Variants in OR5A2 observed in about 807,000 individuals in gnomAD.
The protein encoded by OR5A2 is olfactory receptor family 5 subfamily A member 2.
For synonymous variants in OR5A2, 155 were observed against 151.1 expected (o/e 1.03, Z -0.19); for missense variants, 406 against 398.9 (o/e 1.02, Z -0.15).
rs1247607820 is a variant in OR5A2 at position 59,422,783 on chromosome 11, GT to G, written c.170del (p.His57ProfsTer54). ...TACTGAGGAAGAAGTACATGGGCAT[GT>G]GCAGGTGAGAGTCCATCTTAATGAG... Reference protein sequence around the residue: ...IALIKMDSHLHMPMYFFLSNL... With the variant: ...IALIKMDSHLXMPMYFFLSNL... On this transcript the variant is annotated frameshift_variant, in exon 2 of 2. Coordinates refer to ENST00000302040, the MANE Select transcript of OR5A2 (RefSeq NM_001001954.2). LOFTEE classifies it low-confidence loss of function (END_TRUNC). The G allele has an allele frequency of 6.2e-7, 1 of 1,614,150 alleles. No homozygotes were observed. Among genetic ancestry groups the G allele is most frequent in the Non-Finnish European group, 8.5e-7 (1 of 1,180,010 alleles).
Position 59,422,298 on chromosome 11 carries a change from T to C in OR5A2, c.656A>G (p.Tyr219Cys), listed in dbSNP as rs755432098. The change falls in exon 2 of 2, where the codon TAT becomes TGT. Residue 219 changes from tyrosine to cysteine, a missense_variant. Transcript: ENST00000302040. Reference protein sequence around the residue: ...IVSVLVVLISYGYIVAAVVKI... With the variant: ...IVSVLVVLISCGYIVAAVVKI... ...CACAACAGCAGCAACAATGTAACCA[T>C]AAGAGATGAGGACCACTAGCACAGA... is the stretch of plus-strand genomic sequence containing the variant. The C allele has an allele frequency of 1.4e-5, 22 of 1,613,850 alleles. No individual in the cohort carries two copies. Among genetic ancestry groups the C allele is most frequent in the Non-Finnish European group, 1.8e-5 (21 of 1,179,996 alleles).
chr11:59,422,394 G>A lies in OR5A2; in HGVS notation c.560C>T (p.Ala187Val), dbSNP rs202134259. Residue 187 changes from alanine (A) to valine (V), a missense_variant, in exon 2 of 2, where the codon GCT (alanine) becomes GTT (valine). Ala to Val is a moderately conservative substitution (Grantham distance 64, BLOSUM62 0). Coordinates refer to ENST00000302040, the MANE Select transcript of OR5A2 (RefSeq NM_001001954.2). Reference sequence around the variant, plus strand: ...GGTGAAGGTATCAGAGCAGGACAGAGCCAGGACTGGAGGGAGGTCACAGAA... The same window carrying A: ...GGTGAAGGTATCAGAGCAGGACAGAACCAGGACTGGAGGGAGGTCACAGAA... ...HFFCDLPPVL[A>V]LSCSDTFTSE... The A allele has an allele frequency of 1.1e-5, 18 of 1,614,204 alleles. No homozygotes were observed. The highest frequency in any genetic ancestry group is 1.7e-5 in the Admixed American group (1 of 60,030).
intron 1 of OR5A2, chr11:59,424,657 G>A (rs915463470): frequency 6.6e-6 from 1 of 152,198 alleles, no homozygotes; most frequent in Non-Finnish European, 1.5e-5. Flanking sequence ...AGGCAGAAAT[G>A]CCCTGAGAAA....
rs566530554 is a variant in OR5A2 at position 59,417,016 on chromosome 11, T to C, written c.*4963A>G. The C allele has an allele frequency of 6.6e-6, 1 of 152,220 alleles. No homozygotes were observed. Among genetic ancestry groups the C allele is most frequent in the East Asian group, 1.9e-4 (1 of 5,156 alleles). The allele number at this position is 152,220 out of a possible 1,614,324, so 9.4% of individuals were successfully genotyped here. Reference sequence around the variant, plus strand: ...TGTTTTATTAGAACAAACAAGAATATACCATACAATATCAAAGTGATACTT... The same window carrying C: ...TGTTTTATTAGAACAAACAAGAATACACCATACAATATCAAAGTGATACTT... On this transcript the variant is annotated 3_prime_UTR_variant, in exon 2 of 2. Coordinates refer to ENST00000302040, the MANE Select transcript of OR5A2 (RefSeq NM_001001954.2).
Position 59,417,254 on chromosome 11 carries a change from T to A in OR5A2, c.*4725A>T, listed in dbSNP as rs1025160421. Reference sequence around the variant, plus strand: ...ACTAGATACTGCCAGCCATTTGGTCTGGCAATTCTGAAGAGAGATGCTGCT... The same window carrying A: ...ACTAGATACTGCCAGCCATTTGGTCAGGCAATTCTGAAGAGAGATGCTGCT... On this transcript the variant is annotated 3_prime_UTR_variant, in exon 2 of 2. Coordinates refer to ENST00000302040, the MANE Select transcript of OR5A2 (RefSeq NM_001001954.2). 3.9e-5 allele frequency: 6 copies of A among 152,044 alleles called. No individual in the cohort carries two copies. Among genetic ancestry groups the A allele is most frequent in the Admixed American group, 2.6e-4 (4 of 15,246 alleles). The allele number at this position is 152,044 out of a possible 1,614,324, so 9.4% of individuals were successfully genotyped here. A position where few individuals can be genotyped will look rare whatever the true frequency, so the allele number is the denominator to read the frequency against.
At chr11:59,424,989 GA>G (rs1858278220) in intron 1 of OR5A2, 8 of 152,166 alleles carry the variant, frequency 5.3e-5, no homozygotes, top group Admixed American at 5.2e-4. Flanking sequence ...GACAGGCAGG[GA>G]GTTTTGCCCA....
chr11:59,422,166 G>A lies in OR5A2; in HGVS notation c.788C>T (p.Pro263Leu). ...YGSGFFMYMRPSSSYSLNRDK... is the reference protein window; with the variant it reads ...YGSGFFMYMRLSSSYSLNRDK... ...CCTGTTTAGGGAGTAGCTGGAACTG[G>A]GTCGCATGTACATGAAGAATCCAGA... The change falls in exon 2 of 2, where the codon CCC becomes CTC. Residue 263 changes from proline to leucine, a missense_variant. Pro to Leu is a moderately conservative substitution (Grantham distance 98). Coordinates refer to ENST00000302040, the MANE Select transcript of OR5A2 (RefSeq NM_001001954.2). The A allele has an allele frequency of 6.2e-7, 1 of 1,614,010 alleles. No homozygotes were observed. The highest frequency in any genetic ancestry group is 8.5e-7 in the Non-Finnish European group (1 of 1,179,968).
Position 59,420,570 on chromosome 11 carries a change from G to C in OR5A2, c.*1409C>G, listed in dbSNP as rs1858209250. ...TTACTATTATAATTTCCATTTTATG[G>C]TTAGGATCTGAGGCACCTAGAGTCC... On this transcript the variant is annotated 3_prime_UTR_variant, in exon 2 of 2. Transcript: ENST00000302040. 6.6e-6 allele frequency: 1 copy of C among 151,764 alleles called. No homozygotes were observed. The highest frequency in any genetic ancestry group is 1.5e-5 in the Non-Finnish European group (1 of 67,886). 9.4% of individuals were successfully genotyped at this position (151,764 alleles called of 1,614,324 possible). A position where few individuals can be genotyped will look rare whatever the true frequency, so the allele number is the denominator to read the frequency against.
Position 59,420,363 on chromosome 11 carries a change from A to G in OR5A2, c.*1616T>C, listed in dbSNP as rs995582929. 1.9e-4 allele frequency: 29 copies of G among 152,132 alleles called. No homozygotes were observed. Among genetic ancestry groups the G allele is most frequent in the Admixed American group, 1.9e-3 (29 of 15,260 alleles). The allele number at this position is 152,132 out of a possible 1,614,324, so 9.4% of individuals were successfully genotyped here. On this transcript the variant is annotated 3_prime_UTR_variant, in exon 2 of 2. Transcript: ENST00000302040. ...CTAATGCAATAAAGCCATTGCAAAA[A>G]TTACATTTCCTACCAAACTAAGGAA...
intron 1 of OR5A2, chr11:59,424,060 G>A (rs1858265375): frequency 6.6e-6 from 1 of 152,208 alleles, no homozygotes; most frequent in Non-Finnish European, 1.5e-5. Context: ...GAAGACAAGA[G>A]GTAAGCCCAT....
At position 59,422,852 on chromosome 11, in the gene OR5A2, C is replaced by G; in HGVS notation, c.102G>C (p.Gly34=). ...TCCAGGCCAACGTCAGGAGGTAGAG[C>G]CCCAGAAATAACATGAAAAGGAAAA... ...MKIFLFMLFL[G]LYLLTLAWNL... is the part of the protein sequence containing the mutation. Residue 34 remains glycine (G), a synonymous_variant, in exon 2 of 2, where the codon GGG becomes GGC. Coordinates refer to ENST00000302040, the MANE Select transcript of OR5A2 (RefSeq NM_001001954.2). The G allele has an allele frequency of 6.2e-7, 1 of 1,614,056 alleles. No homozygotes were observed. Among genetic ancestry groups the G allele is most frequent in the Non-Finnish European group, 8.5e-7 (1 of 1,180,008 alleles).
intron 1 of OR5A2, chr11:59,424,399 C>T (rs1858269294): frequency 6.6e-6 from 1 of 152,056 alleles, no homozygotes; most frequent in East Asian, 1.9e-4. Flanking sequence ...GAGCGAGACT[C>T]CGTCTCAAAA....
At chr11:59,425,979 T>G (rs1858298502) in intron 1 of OR5A2, 192 bp downstream of exon 1, 1 of 152,226 alleles carries the variant, frequency 6.6e-6, no homozygotes, top group African/African-American at 2.4e-5. Flanking sequence ...AAACACTTAT[T>G]TAGTACTTAT....
At chr11:59,423,613 T>G (rs1234503609) in intron 1 of OR5A2, 1 of 149,238 alleles carries the variant, frequency 6.7e-6, no homozygotes, top group Non-Finnish European at 1.5e-5. Context: ...TGTATACATA[T>G]TTGTGTGTAT....
In OR5A2 at chr11:59,422,879, C is replaced by A; in HGVS notation, c.75G>T (p.Lys25Asn). 6.2e-7 allele frequency: 1 copy of A among 1,613,690 alleles called. No homozygotes were observed. Among genetic ancestry groups the A allele is most frequent in the Admixed American group, 1.7e-5 (1 of 59,998 alleles). The change falls in exon 2 of 2, where the codon AAG becomes AAT. Residue 25 changes from lysine to asparagine, a missense_variant. Lys to Asn is a moderately conservative substitution (Grantham distance 94). Transcript: ENST00000302040. ...CCAGAAATAACATGAAAAGGAAAAT[C>A]TTCATTTGAGGATGGTCTGAAAGTC... Reference protein sequence around the residue: ...LLGLSDHPQMKIFLFMLFLGL... With the variant: ...LLGLSDHPQMNIFLFMLFLGL...
intron 1 of OR5A2, chr11:59,425,791 A>T (rs1858295136): frequency 6.6e-6 from 1 of 152,180 alleles, no homozygotes; most frequent in Non-Finnish European, 1.5e-5. Context: ...ATAGGTGCCC[A>T]CTAAATATTT....
In OR5A2 at chr11:59,422,296, C is replaced by T. The variant is rs1858236006; in HGVS notation, c.658G>A (p.Gly220Ser). 3.1e-6 allele frequency: 5 copies of T among 1,614,042 alleles called. No individual in the cohort carries two copies. The highest frequency in any genetic ancestry group is 4.2e-6 in the Non-Finnish European group (5 of 1,179,994). ...VSVLVVLISY[G>S]YIVAAVVKIS... ...TTCACAACAGCAGCAACAATGTAAC[C>T]ATAAGAGATGAGGACCACTAGCACA... The change falls in exon 2 of 2, where the codon GGT (glycine) becomes AGT (serine). Residue 220 changes from glycine (G) to serine (S), a missense_variant. Transcript: ENST00000302040.
At position 59,422,022 on chromosome 11, in the gene OR5A2, C is replaced by T; in HGVS notation, c.932G>A (p.Gly311Glu). Residue 311 changes from glycine (G) to glutamate (E), a missense_variant, in exon 2 of 2, where the codon GGG (glycine) becomes GAG (glutamate). Coordinates refer to ENST00000302040, the MANE Select transcript of OR5A2 (RefSeq NM_001001954.2). ...AMRKAMERDP[G>E]ISHGGPFIFM... ...AATGAATGGTCCACCGTGAGAAATC[C>T]CGGGGTCCCTTTCCATGGCTTTCCT... 3 of 1,613,518 alleles carry T rather than the reference C, an allele frequency of 1.9e-6. No individual in the cohort carries two copies. The highest frequency in any genetic ancestry group is 2.5e-6 in the Non-Finnish European group (3 of 1,179,650).
chr11:59,422,743 C>T lies in OR5A2; in HGVS notation c.211G>A (p.Asp71Asn). The T allele has an allele frequency of 6.2e-7, 1 of 1,614,046 alleles. No homozygotes were observed. ...GCGGTGGAGGACACATAGCAGATGT[C>T]CAGGAAGGACAGGTTACTGAGGAAG... ...YFFLSNLSFLDICYVSSTAPK... is the reference protein window; with the variant it reads ...YFFLSNLSFLNICYVSSTAPK... The change falls in exon 2 of 2, where the codon GAC (aspartate) becomes AAC (asparagine). Residue 71 changes from aspartate to asparagine, a missense_variant. By Grantham distance (23) the Asp-to-Asn change is conservative. Transcript: ENST00000302040.
Sources: gnomAD v4.1 joint callset for allele counts on GRCh38, gnomAD v4.1.1 for gene constraint, MANE v1.5 for transcripts, NCBI Gene and HGNC (gene_info 2026-07-23, HGNC 2026-07-21) for gene names.